Variants in CDH18 observed in about 807,000 individuals in gnomAD.
CDH18 encodes cadherin-18.
In CDH18, 31 loss-of-function variants were observed where a neutral mutation model predicts 67.9. The observed-to-expected ratio is 0.46, with a 90% CI of 0.34 to 0.62. The LOEUF (loss-of-function observed/expected upper bound fraction) is 0.62, where lower values mean the gene tolerates loss of function less well. Among genes scored for constraint, CDH18 ranks in the 20% least tolerant of loss-of-function variants. The pLI is 0.01. For synonymous variants in CDH18, 362 were observed against 347.2 expected, an observed-to-expected ratio of 1.04 and a Z score of -0.48; for missense variants, 890 against 975.5, an observed-to-expected ratio of 0.91 and a Z score of 1.17.
chr5:19,545,416 T>A (rs988144967), intron 8 of CDH18, among the ~76,000 whole-genome samples: 3 of 152,156 alleles, frequency 2.0e-5, no homozygotes, highest in Non-Finnish European at 4.4e-5. Flanking sequence ...GAATTTCAAA[T>A]TCAAGAAAAT....
intron 1 of CDH18, among the ~76,000 whole-genome samples, chr5:20,406,037 G>T (rs943640750): frequency 1.3e-5 from 2 of 152,096 alleles, no homozygotes; most frequent in Non-Finnish European, 2.9e-5. Flanking sequence ...ATTCCTCAGG[G>T]ATCTAGAACT....
chr5:20,444,613 G>A (rs971765981), intron 1 of CDH18, among the ~76,000 whole-genome samples: 2 of 152,188 alleles, frequency 1.3e-5, no homozygotes, highest in African/African-American at 4.8e-5. Flanking sequence ...GAAATAAACT[G>A]TGAGATTCAA....
intron 2 of CDH18, among the ~76,000 whole-genome samples, chr5:20,102,509 C>T (rs536653834): frequency 6.6e-6 from 1 of 152,242 alleles, no homozygotes; most frequent in Admixed American, 6.5e-5. Context: ...AGCTGAATGC[C>T]TGAGGAGCAG....
chr5:19,724,991 A>G (rs1029714934), intron 4 of CDH18, among the ~76,000 whole-genome samples: 17 of 145,654 alleles, frequency 1.2e-4, no homozygotes, highest in Admixed American at 2.1e-4. Context: ...CAGTGGCACT[A>G]TCTGGGCTCA....
In CDH18 at chr5:19,472,092, A is replaced by T. The variant is rs117275191; in HGVS notation, c.*1134T>A. Among the ~76,000 whole-genome samples, 84 of 152,286 alleles carry T rather than the reference A, an allele frequency of 5.5e-4. 1 individual carries two copies. In the East Asian group the frequency reaches 0.015, roughly 27 times the overall value. ...CCTAGTCCTACACATTTTCCTGTTG[A>T]TACCAAACTAATTATCAGTGAGATG... On this transcript the variant is annotated 3_prime_UTR_variant, in exon 13 of 13. Transcript: ENST00000382275.
intron 4 of CDH18, among the ~76,000 whole-genome samples, chr5:19,728,053 C>A (rs1321908700): frequency 2.6e-5 from 4 of 152,050 alleles, no homozygotes; most frequent in African/African-American, 9.7e-5. Flanking sequence ...AAAATTATTA[C>A]CCTCTACGTG....
intron 1 of CDH18, among the ~76,000 whole-genome samples, chr5:20,307,607 C>T (rs1265951001): frequency 2.6e-5 from 4 of 152,144 alleles, no homozygotes; most frequent in Non-Finnish European, 5.9e-5. Flanking sequence ...CACTGGCATG[C>T]ATTGCCTACC....
At chr5:20,506,229 C>T (rs540913579) in intron 1 of CDH18, among the ~76,000 whole-genome samples, 1 of 152,300 alleles carries the variant, frequency 6.6e-6, no homozygotes, top group East Asian at 1.9e-4. Context: ...GTATGAAGCC[C>T]TCAGGCAACT....
At chr5:20,132,755 C>A (rs377728537) in intron 2 of CDH18, among the ~76,000 whole-genome samples, 2 of 152,008 alleles carry the variant, frequency 1.3e-5, no homozygotes, top group African/African-American at 4.8e-5. Flanking sequence ...AAATTCCTCA[C>A]GTTCATCTCT....
intron 4 of CDH18, among the ~76,000 whole-genome samples, chr5:19,724,823 G>A (rs1581070653): frequency 6.6e-6 from 1 of 151,962 alleles, no homozygotes; most frequent in Non-Finnish European, 1.5e-5. Context: ...AACCTTTCTG[G>A]CTTGATTAAA....
intron 2 of CDH18, among the ~76,000 whole-genome samples, chr5:19,896,732 CAAAT>C (rs1229279249): frequency 1.3e-5 from 2 of 152,122 alleles, no homozygotes; most frequent in African/African-American, 2.4e-5. Context: ...CATAGAAACA[CAAAT>C]AAATACATAT....
chr5:19,875,250 T>A (rs1006483037), intron 2 of CDH18, among the ~76,000 whole-genome samples: 1 of 152,186 alleles, frequency 6.6e-6, no homozygotes, highest in African/African-American at 2.4e-5. Flanking sequence ...ATTTGACTAA[T>A]AGGATTTGAT....
intron 2 of CDH18, among the ~76,000 whole-genome samples, chr5:19,998,203 A>G (rs1205885141): frequency 6.6e-6 from 1 of 152,236 alleles, no homozygotes; most frequent in Non-Finnish European, 1.5e-5. Context: ...GGACCAGTTT[A>G]GAAGTTATCC....
intron 1 of CDH18, among the ~76,000 whole-genome samples, chr5:20,514,195 C>T (rs1755220141): frequency 6.6e-6 from 1 of 151,900 alleles, no homozygotes; most frequent in Non-Finnish European, 1.5e-5. Flanking sequence ...TGTTATTTTC[C>T]TATATCTCAT....
chr5:19,502,500 C>T (rs1477300836), intron 11 of CDH18, among the ~76,000 whole-genome samples: 1 of 152,064 alleles, frequency 6.6e-6, no homozygotes, highest in Admixed American at 6.6e-5. Context: ...AAATATGCTG[C>T]ATACTTCTGT....
At chr5:19,741,294 C>T (rs867915945) in intron 4 of CDH18, among the ~76,000 whole-genome samples, 40 of 140,438 alleles carry the variant, frequency 2.8e-4, no homozygotes, top group Admixed American at 2.0e-3. Flanking sequence ...TATATACATA[C>T]ATATATGTAC....
At chr5:19,873,607 AT>A (rs1181666961) in intron 2 of CDH18, among the ~76,000 whole-genome samples, 1 of 152,138 alleles carries the variant, frequency 6.6e-6, no homozygotes, top group Non-Finnish European at 1.5e-5. Flanking sequence ...AAAATGATGC[AT>A]TATCAACTTT....
intron 5 of CDH18, among the ~76,000 whole-genome samples, chr5:19,644,281 T>C (rs1306667914): frequency 6.6e-6 from 1 of 152,014 alleles, no homozygotes; most frequent in East Asian, 1.9e-4. Flanking sequence ...AAACAAATAA[T>C]AGAAAAGTTC....
At chr5:20,519,961 T>G (rs1433828722) in intron 1 of CDH18, among the ~76,000 whole-genome samples, 14 of 79,038 alleles carry the variant, frequency 1.8e-4, no homozygotes, top group African/African-American at 7.8e-4. Flanking sequence ...TTTTTTTTTT[T>G]TTTTTTTTTT....
Sources: allele counts gnomAD v4.1 joint callset (sites outside exome capture counted in the v4.1 genomes callset), GRCh38; gene constraint gnomAD v4.1.1; transcripts MANE v1.5; gene names NCBI Gene and HGNC (gene_info 2026-07-23, HGNC 2026-07-21).